The following GRXCR2 variants were observed in gnomAD, a reference collection of about 807,000 sequenced individuals.
The protein encoded by GRXCR2 is glutaredoxin domain-containing cysteine-rich protein 2.
GRXCR2 carries 23 observed loss-of-function variants against 24.8 expected under a neutral mutation model. The ratio of observed to expected loss-of-function variants is 0.93; its 90% confidence interval spans 0.67 to 1.32. The LOEUF (loss-of-function observed/expected upper bound fraction) is 1.32. Among genes scored for constraint, GRXCR2 ranks in the 40% most tolerant of loss-of-function variants. The probability of loss-of-function intolerance (pLI) is 0.00; values close to 1 mark genes in which losing one functional copy is unlikely to be tolerated. For missense variants in GRXCR2, 315 were observed against 303.4 expected (o/e 1.04, Z -0.28); for synonymous variants, 130 against 116.1 (o/e 1.12, Z -0.77).
chr5:145,865,551 G>A (rs1194186422), intron 2 of GRXCR2, among the ~76,000 whole-genome samples: 6 of 152,194 alleles, frequency 3.9e-5, no homozygotes, highest in Non-Finnish European at 7.3e-5. Flanking sequence ...TGTGGACACT[G>A]ACAGCCATAT....
intron 2 of GRXCR2, among the ~76,000 whole-genome samples, chr5:145,931,097 T>C (rs1757471321): frequency 6.6e-6 from 1 of 152,160 alleles, no homozygotes; most frequent in South Asian, 2.1e-4. Context: ...AGTGGTGCGA[T>C]CTCAGTTCAC....
chr5:145,858,630 ATTAAG>A lies in GRXCR2; in HGVS notation c.*1098_*1102del, dbSNP rs1371010583. 1 of 152,192 alleles carries A rather than the reference ATTAAG, an allele frequency of 6.6e-6. No individual in the cohort carries two copies. Among genetic ancestry groups the A allele is most frequent in the Non-Finnish European group, 1.5e-5 (1 of 68,034 alleles). The allele number at this position is 152,192 out of a possible 1,614,324, so 9.4% of individuals were successfully genotyped here. A position where few individuals can be genotyped will look rare whatever the true frequency, so the allele number is the denominator to read the frequency against. ...AATAACAAACAAATCTTGAGAAATT[ATTAAG>A]TTATGAAATCAAAATTATTATCACA... On this transcript the variant is annotated 3_prime_UTR_variant, in exon 3 of 3. Coordinates refer to ENST00000377976, the MANE Select transcript of GRXCR2 (RefSeq NM_001080516.2).
chr5:145,906,403 C>T (rs999084031), intron 2 of GRXCR2, among the ~76,000 whole-genome samples: 4 of 151,992 alleles, frequency 2.6e-5, no homozygotes, highest in Admixed American at 1.3e-4. Flanking sequence ...TATCCGATAG[C>T]ATGTATGTCT....
chr5:145,902,566 G>A (rs1757038673), intron 2 of GRXCR2, among the ~76,000 whole-genome samples: 1 of 152,172 alleles, frequency 6.6e-6, no homozygotes, highest in Non-Finnish European at 1.5e-5. Context: ...AATGAACTGA[G>A]CTGATCTAAT....
At chr5:145,885,608 G>A (rs1212599038) in intron 2 of GRXCR2, among the ~76,000 whole-genome samples, 1 of 152,206 alleles carries the variant, frequency 6.6e-6, no homozygotes, top group African/African-American at 2.4e-5. Context: ...AAAATGCTGA[G>A]TTAAGCCACA....
At chr5:145,905,256 T>C (rs1465771892) in intron 2 of GRXCR2, among the ~76,000 whole-genome samples, 2 of 152,222 alleles carry the variant, frequency 1.3e-5, no homozygotes, top group Non-Finnish European at 2.9e-5. Context: ...AAAAGTTGCC[T>C]AGCTTATCAG....
At chr5:145,910,722 A>C (rs1169450764) in intron 2 of GRXCR2, among the ~76,000 whole-genome samples, 1 of 152,202 alleles carries the variant, frequency 6.6e-6, no homozygotes, top group East Asian at 1.9e-4. Flanking sequence ...CATTGTGGTA[A>C]GTGCTATGAA....
intron 2 of GRXCR2, among the ~76,000 whole-genome samples, chr5:145,918,013 C>T (rs562139738): frequency 5.9e-5 from 9 of 152,236 alleles, no homozygotes; most frequent in Non-Finnish European, 1.0e-4. Flanking sequence ...CTCCTGACCT[C>T]GTGATCTGCC....
At chr5:145,929,198 C>CATATA (rs1554107328) in intron 2 of GRXCR2, among the ~76,000 whole-genome samples, 6 of 88,422 alleles carry the variant, frequency 6.8e-5, no homozygotes, top group Non-Finnish European at 1.2e-4. Context: ...AATATTCCCC[C>CATATA]CTATATATAT....
At chr5:145,894,305 GA>G (rs1756915268) in intron 2 of GRXCR2, among the ~76,000 whole-genome samples, 1 of 151,972 alleles carries the variant, frequency 6.6e-6, no homozygotes, top group Admixed American at 6.5e-5. Context: ...GAAGGAAATA[GA>G]GACACAAAAA....
At chr5:145,918,877 C>T (rs1485243601) in intron 2 of GRXCR2, among the ~76,000 whole-genome samples, 1 of 152,190 alleles carries the variant, frequency 6.6e-6, no homozygotes, top group Non-Finnish European at 1.5e-5. Flanking sequence ...GGACCTCACA[C>T]CCTGGAAAAG....
Position 145,872,812 on chromosome 5 carries a change from A to G in GRXCR2, c.157T>C (p.Phe53Leu). The G allele has an allele frequency of 1.2e-6, 2 of 1,614,158 alleles. No homozygotes were observed. Among genetic ancestry groups the G allele is most frequent in the African/African-American group, 2.7e-5 (2 of 75,038 alleles). ...ESPKEEYPHSFLQESLETMDG... is the reference protein window; with the variant it reads ...ESPKEEYPHSLLQESLETMDG... ...ATTGTTTCAAGAGACTCTTGCAGAA[A>G]ACTGTGAGGGTATTCCTCCTTTGGT... Residue 53 changes from phenylalanine to leucine, a missense_variant, in exon 1 of 3, where the codon TTT becomes CTT. Phe to Leu is a conservative substitution (Grantham distance 22). Coordinates refer to ENST00000377976, the MANE Select transcript of GRXCR2 (RefSeq NM_001080516.2).
At chr5:145,870,393 T>C (rs866437845) in intron 1 of GRXCR2, among the ~76,000 whole-genome samples, 33 of 152,282 alleles carry the variant, frequency 2.2e-4, no homozygotes, top group Middle Eastern at 6.8e-3. Flanking sequence ...TCAACCACAT[T>C]GTGCATGTGT....
intron 2 of GRXCR2, among the ~76,000 whole-genome samples, chr5:145,922,903 A>G (rs1302422846): frequency 6.6e-6 from 1 of 152,250 alleles, no homozygotes; most frequent in Non-Finnish European, 1.5e-5. Context: ...CAGTGTAAGT[A>G]TGTCCCATGT....
chr5:145,890,475 G>C (rs1756848392), intron 2 of GRXCR2, among the ~76,000 whole-genome samples: 1 of 152,124 alleles, frequency 6.6e-6, no homozygotes, highest in African/African-American at 2.4e-5. Context: ...ATTCCTGAGA[G>C]AGAAGCAGAA....
At chr5:145,881,395 G>C (rs565955489) in intron 2 of GRXCR2, among the ~76,000 whole-genome samples, 162 of 152,028 alleles carry the variant, frequency 1.1e-3, no homozygotes, top group Non-Finnish European at 1.7e-3. Flanking sequence ...AACAGACAGA[G>C]AGCCAAATCA....
chr5:145,868,790 C>T (rs755882659), intron 1 of GRXCR2, among the ~76,000 whole-genome samples: 3 of 152,046 alleles, frequency 2.0e-5, no homozygotes, highest in Non-Finnish European at 2.9e-5. Context: ...TTTGATGTAC[C>T]CCAAAGATGG....
At position 145,866,783 on chromosome 5, in the gene GRXCR2, G is replaced by A. The variant is rs1756445567; in HGVS notation, c.337-55C>T. 49 of 1,128,260 alleles carry A rather than the reference G, an allele frequency of 4.3e-5. 1 individual carries two copies. In the South Asian group the frequency reaches 6.3e-4, roughly 15 times the overall value. 69.9% of individuals were successfully genotyped at this position (1,128,260 alleles called of 1,614,324 possible). On this transcript the variant is annotated intron_variant, in intron 1 of 2. Transcript: ENST00000377976. ...TTTACCACCAATCACCAAGTAGAGG[G>A]CTGCAGAACCTGTCCAACATACCAG...
intron 2 of GRXCR2, among the ~76,000 whole-genome samples, chr5:145,925,389 T>C (rs1001351474): frequency 7.9e-5 from 12 of 152,176 alleles, no homozygotes; most frequent in African/African-American, 2.9e-4. Context: ...AGGAAATTTA[T>C]TCCTTATGAC....
Sources: allele counts gnomAD v4.1 joint callset (sites outside exome capture counted in the v4.1 genomes callset), GRCh38; gene constraint gnomAD v4.1.1; transcripts MANE v1.5; gene names NCBI Gene and HGNC (gene_info 2026-07-23, HGNC 2026-07-21).